PHACTR1: variants seen among roughly 807,000 people sequenced by gnomAD.
PHACTR1 encodes RPEL repeat containing 1.
PHACTR1 carries 16 observed loss-of-function variants against 69.2 expected under a neutral mutation model. The observed-to-expected ratio is 0.23, with a 90% CI of 0.16 to 0.35. The LOEUF is 0.35. PHACTR1 is among the 10% of genes least tolerant of loss of function. The probability of loss-of-function intolerance (pLI) is 1.00; values close to 1 mark genes in which losing one functional copy is unlikely to be tolerated. For synonymous variants in PHACTR1, 312 were observed against 284.5 expected (o/e 1.10, Z -0.97); for missense variants, 510 against 734.7 (o/e 0.69, Z 3.54).
intron 8 of PHACTR1, among the ~76,000 whole-genome samples, chr6:13,226,840 C>T (rs1036298887): frequency 4.0e-5 from 6 of 151,344 alleles, no homozygotes; most frequent in Non-Finnish European, 8.8e-5. Flanking sequence ...CAGGCTCAAG[C>T]GATTCTCCTG....
At chr6:13,201,523 C>T (rs777090312) in intron 7 of PHACTR1, among the ~76,000 whole-genome samples, 6 of 152,134 alleles carry the variant, frequency 3.9e-5, no homozygotes, top group Non-Finnish European at 8.8e-5. Context: ...CACGCATGCC[C>T]AGCAGGTGCT....
chr6:13,120,374 C>G (rs1818518153), intron 5 of PHACTR1, among the ~76,000 whole-genome samples: 2 of 152,098 alleles, frequency 1.3e-5, no homozygotes, highest in African/African-American at 4.8e-5. Flanking sequence ...CATCCCAAAC[C>G]CACACTGCTG....
At chr6:12,728,324 A>G (rs1040439576) in intron 3 of PHACTR1, among the ~76,000 whole-genome samples, 2 of 152,168 alleles carry the variant, frequency 1.3e-5, no homozygotes, top group African/African-American at 4.8e-5. Context: ...CTTTAAAAAA[A>G]TCAAGAAGAA....
intron 4 of PHACTR1, among the ~76,000 whole-genome samples, chr6:13,038,657 T>C (rs1212557863): frequency 1.3e-5 from 2 of 152,202 alleles, no homozygotes; most frequent in Non-Finnish European, 2.9e-5. Flanking sequence ...GTCAGGCAAG[T>C]TACTTCTTTG....
At chr6:13,286,937 G>A (rs1030507520) in intron 14 of PHACTR1, 126 bp from the exon 15 acceptor site, 14 of 983,748 alleles carry the variant, frequency 1.4e-5, no homozygotes, top group Non-Finnish European at 9.2e-6. Flanking sequence ...CTCCTGTGGG[G>A]ATGACGGTGG....
intron 8 of PHACTR1, among the ~76,000 whole-genome samples, chr6:13,212,813 C>T (rs1767072598): frequency 6.6e-6 from 1 of 152,206 alleles, no homozygotes; most frequent in African/African-American, 2.4e-5. Flanking sequence ...ATCCTCAGGG[C>T]TCCTACACTC....
intron 11 of PHACTR1, chr6:13,274,027 T>C (rs977301718): frequency 8.5e-5 from 13 of 152,188 alleles, no homozygotes; most frequent in African/African-American, 3.1e-4. Context: ...GTGCTCACTG[T>C]GGCCTTGTGA....
intron 5 of PHACTR1, among the ~76,000 whole-genome samples, chr6:13,140,535 A>C (rs1345616378): frequency 6.6e-6 from 1 of 152,224 alleles, no homozygotes; most frequent in Non-Finnish European, 1.5e-5. Context: ...AGCCAGTCAC[A>C]AAAAAGACAA....
At chr6:13,026,634 G>C (rs1001895953) in intron 4 of PHACTR1, among the ~76,000 whole-genome samples, 14 of 152,162 alleles carry the variant, frequency 9.2e-5, no homozygotes, top group African/African-American at 3.4e-4. Flanking sequence ...TGGGAGAATG[G>C]AGGACCAAAC....
At chr6:12,732,006 C>T (rs538253927) in intron 3 of PHACTR1, among the ~76,000 whole-genome samples, 14 of 148,244 alleles carry the variant, frequency 9.4e-5, no homozygotes, top group Non-Finnish European at 2.1e-4. Flanking sequence ...GGGAAACTAT[C>T]AAAATGGAAT....
intron 14 of PHACTR1, among the ~76,000 whole-genome samples, chr6:13,286,535 T>C (rs1430480077): frequency 6.6e-6 from 1 of 152,234 alleles, no homozygotes; most frequent in East Asian, 1.9e-4. Flanking sequence ...GAAAAGATTG[T>C]TGCCAATTTG....
rs1790160011 is a variant in PHACTR1, at chr6:12,942,495, G to C, written c.251-110870G>C. Among the ~76,000 whole-genome samples the C allele has an allele frequency of 3.9e-5, 6 of 152,214 alleles. No individual in the cohort carries two copies. The South Asian group carries it at 1.2e-3, about 32-fold the overall frequency. On this transcript the variant is annotated intron_variant, in intron 4 of 14. Coordinates refer to ENST00000332995, the MANE Select transcript of PHACTR1 (RefSeq NM_030948.6). Reference sequence around the variant, plus strand: ...CTAAGTCTTAGGAGTCAAACAACTAGTTTAAAGTCACACAGTGGCCAGGTG... The same window carrying C: ...CTAAGTCTTAGGAGTCAAACAACTACTTTAAAGTCACACAGTGGCCAGGTG...
At chr6:12,784,145 G>A (rs549995431) in intron 4 of PHACTR1, among the ~76,000 whole-genome samples, 3 of 151,628 alleles carry the variant, frequency 2.0e-5, no homozygotes, top group Non-Finnish European at 2.9e-5. Context: ...ATATACATAT[G>A]TATCTATACA....
chr6:12,806,775 C>T (rs1581840337), intron 4 of PHACTR1, among the ~76,000 whole-genome samples: 1 of 152,136 alleles, frequency 6.6e-6, no homozygotes, highest in East Asian at 1.9e-4. Flanking sequence ...CCAGTAATAG[C>T]TATAAATTTC....
At chr6:12,974,626 A>T (rs1023122624) in intron 4 of PHACTR1, among the ~76,000 whole-genome samples, 1 of 152,194 alleles carries the variant, frequency 6.6e-6, no homozygotes, top group Non-Finnish European at 1.5e-5. Flanking sequence ...GTGAAAACTC[A>T]ATTGGGTGAC....
intron 3 of PHACTR1, among the ~76,000 whole-genome samples, chr6:12,721,653 C>T (rs903904725): frequency 3.3e-5 from 5 of 152,166 alleles, no homozygotes; most frequent in African/African-American, 1.2e-4. Flanking sequence ...CCCTAGATCC[C>T]CAGCACACAG....
intron 4 of PHACTR1, among the ~76,000 whole-genome samples, chr6:12,965,656 G>A (rs541472421): frequency 2.6e-4 from 40 of 152,162 alleles, no homozygotes; most frequent in African/African-American, 8.7e-4. Flanking sequence ...ATGAATCAAC[G>A]GTATGTGTTA....
intron 4 of PHACTR1, among the ~76,000 whole-genome samples, chr6:12,940,996 T>C (rs988726308): frequency 6.6e-6 from 1 of 152,230 alleles, no homozygotes; most frequent in East Asian, 1.9e-4. Context: ...GCCTGGGGGC[T>C]TGGCCTTAAA....
At chr6:13,083,039 T>C (rs1811666486) in intron 5 of PHACTR1, among the ~76,000 whole-genome samples, 1 of 152,224 alleles carries the variant, frequency 6.6e-6, no homozygotes, top group South Asian at 2.1e-4. Context: ...TCCTGAATGG[T>C]ATTGCCTAGG....
Sources: allele counts gnomAD v4.1 joint callset (sites outside exome capture counted in the v4.1 genomes callset), GRCh38; gene constraint gnomAD v4.1.1; transcripts MANE v1.5; gene names NCBI Gene and HGNC (gene_info 2026-07-23, HGNC 2026-07-21).